RBFOX1: variants seen among roughly 807,000 people sequenced by gnomAD.
RBFOX1 encodes RNA binding fox-1 homolog 1.
RBFOX1 carries 8 observed loss-of-function variants against 57.7 expected under a neutral mutation model. That is an observed-to-expected ratio of 0.14 (90% CI 0.08 to 0.25). The LOEUF (loss-of-function observed/expected upper bound fraction) is 0.25, where lower values mean the gene tolerates loss of function less well. Among genes scored for constraint, RBFOX1 ranks in the 10% least tolerant of loss-of-function variants. RBFOX1 has a pLI of 1.00. For synonymous variants in RBFOX1, 326 were observed against 222.4 expected (o/e 1.47, Z -4.15); for missense variants, 611 against 548.5 (o/e 1.11, Z -1.14).
intron 4 of RBFOX1, among the ~76,000 whole-genome samples, chr16:5,979,993 T>G (rs181616594): frequency 2.0e-4 from 31 of 152,310 alleles, no homozygotes; most frequent in Admixed American, 7.2e-4. Context: ...TCCAGACTCT[T>G]GCCTGCAGAA....
At chr16:7,353,248 G>A (rs528462899) in intron 4 of RBFOX1, among the ~76,000 whole-genome samples, 68 of 152,100 alleles carry the variant, frequency 4.5e-4, no homozygotes, top group African/African-American at 1.6e-3. Context: ...TAAATAAATG[G>A]TACCTATTAC....
At chr16:7,659,791 T>C (rs183258855) in intron 12 of RBFOX1, among the ~76,000 whole-genome samples, 3 of 152,190 alleles carry the variant, frequency 2.0e-5, no homozygotes, top group African/African-American at 7.2e-5. Flanking sequence ...CTGAATAGCA[T>C]GAACTTATAG....
chr16:7,697,452 A>G (rs780240220), intron 14 of RBFOX1, among the ~76,000 whole-genome samples: 1 of 152,162 alleles, frequency 6.6e-6, no homozygotes, highest in Non-Finnish European at 1.5e-5. Context: ...TGAACTCTCC[A>G]AGGTGTAATA....
chr16:7,058,691 T>A lies in RBFOX1; in HGVS notation c.27+6593T>A, dbSNP rs553655538. 2.0e-5 allele frequency among the ~76,000 whole-genome samples: 3 copies of A among 152,306 alleles called. No homozygotes were observed. The South Asian group carries it at 6.2e-4, about 32-fold the overall frequency. The stretch of plus-strand genomic sequence containing the variant: ...AGAAAAGTGTCTGGAATAAAAAAGG[T>A]TCTTAATTATTGTTGGATATTAATG... On this transcript the variant is annotated intron_variant, in intron 4 of 15. Coordinates refer to ENST00000550418, the MANE Select transcript of RBFOX1 (RefSeq NM_018723.4).
At chr16:6,026,538 G>A (rs1421642831) in intron 1 of RBFOX1, among the ~76,000 whole-genome samples, 2 of 152,254 alleles carry the variant, frequency 1.3e-5, no homozygotes, top group South Asian at 2.1e-4. Flanking sequence ...CAAGATACAA[G>A]GGAGGGTGGG....
At chr16:6,902,548 C>G (rs1596645807) in intron 3 of RBFOX1, among the ~76,000 whole-genome samples, 1 of 152,052 alleles carries the variant, frequency 6.6e-6, no homozygotes, top group Non-Finnish European at 1.5e-5. Context: ...ATGGTAATGC[C>G]CTGTCACTAC....
At chr16:6,490,250 A>G (rs2095601514) in intron 2 of RBFOX1, among the ~76,000 whole-genome samples, 1 of 152,182 alleles carries the variant, frequency 6.6e-6, no homozygotes, top group African/African-American at 2.4e-5. Flanking sequence ...TTTAGAAGGG[A>G]AAAAAAGATC....
intron 4 of RBFOX1, among the ~76,000 whole-genome samples, chr16:5,875,156 C>G (rs1003847872): frequency 2.0e-5 from 3 of 152,176 alleles, no homozygotes; most frequent in African/African-American, 4.8e-5. Flanking sequence ...TTGCAGCCAT[C>G]ATTTACCACA....
chr16:7,429,315 C>T (rs1405386186), intron 4 of RBFOX1, among the ~76,000 whole-genome samples: 1 of 152,222 alleles, frequency 6.6e-6, no homozygotes, highest in Non-Finnish European at 1.5e-5. Flanking sequence ...AAGGACTTGG[C>T]ACAAGCCATC....
chr16:5,947,619 T>G lies in RBFOX1; in HGVS notation c.351+80284T>G, dbSNP rs937794960. On this transcript the variant is annotated intron_variant, in intron 4 of 19. Transcript: ENST00000641259. The surrounding 1 kb of genome is among the most constrained non-coding windows in gnomAD (Gnocchi z 7.2). ...ATTACATGCATGATCCACCATGTCT[T>G]GACCCTTCGATTTTAGGTATTTTTA... 5.3e-5 allele frequency among the ~76,000 whole-genome samples: 8 copies of G among 152,182 alleles called. No individual in the cohort carries two copies. Among genetic ancestry groups the G allele is most frequent in the Non-Finnish European group, 8.8e-5 (6 of 68,034 alleles).
At chr16:7,631,209 C>T (rs2060898405) in intron 11 of RBFOX1, among the ~76,000 whole-genome samples, 1 of 151,988 alleles carries the variant, frequency 6.6e-6, no homozygotes, top group Admixed American at 6.6e-5. Context: ...AAATGTGGTT[C>T]CCCCCTCATT....
intron 4 of RBFOX1, among the ~76,000 whole-genome samples, chr16:7,392,716 G>A (rs1053651737): frequency 8.5e-5 from 13 of 152,160 alleles, no homozygotes; most frequent in African/African-American, 2.7e-4. Context: ...TTAAGAAACT[G>A]AAAACTTCAG....
At chr16:7,179,969 C>G (rs1012269460) in intron 4 of RBFOX1, among the ~76,000 whole-genome samples, 4 of 151,856 alleles carry the variant, frequency 2.6e-5, no homozygotes, top group Non-Finnish European at 1.5e-5. Flanking sequence ...TCTAGAACTC[C>G]TGACCTCAAG....
At chr16:5,769,647 C>G (rs2053910628) in intron 3 of RBFOX1, among the ~76,000 whole-genome samples, 1 of 151,824 alleles carries the variant, frequency 6.6e-6, no homozygotes, top group African/African-American at 2.4e-5. Context: ...AGTGAGACTC[C>G]CTCTCAAAAA....
intron 1 of RBFOX1, among the ~76,000 whole-genome samples, chr16:6,057,764 T>A (rs1484752797): frequency 1.3e-5 from 2 of 151,848 alleles, no homozygotes; most frequent in East Asian, 3.9e-4. Flanking sequence ...TCTTGCAATT[T>A]TCTCATTTTG....
At chr16:5,884,064 G>A (rs529957358) in intron 4 of RBFOX1, among the ~76,000 whole-genome samples, 1 of 152,188 alleles carries the variant, frequency 6.6e-6, no homozygotes, top group African/African-American at 2.4e-5. Context: ...TCATCTGAAA[G>A]ATGGGGATAA....
downstream of RBFOX1, among the ~76,000 whole-genome samples, chr16:5,604,066 C>T (rs2047470826): frequency 6.6e-6 from 1 of 152,198 alleles, no homozygotes; most frequent in Non-Finnish European, 1.5e-5. Flanking sequence ...TCAATGGTGT[C>T]ACTCTCCCCT....
intron 3 of RBFOX1, among the ~76,000 whole-genome samples, chr16:5,780,281 C>G (rs535022222): frequency 6.6e-6 from 1 of 152,184 alleles, no homozygotes; most frequent in East Asian, 1.9e-4. Flanking sequence ...GGATTACAGG[C>G]GTGTGCCATT....
chr16:7,692,118 A>G (rs191181913), intron 14 of RBFOX1, among the ~76,000 whole-genome samples: 6 of 152,266 alleles, frequency 3.9e-5, no homozygotes, highest in Middle Eastern at 3.4e-3. Context: ...TGCGGCTCAA[A>G]AAGTCTGTGT....
Sources: gnomAD v4.1 joint callset for allele counts (sites outside exome capture counted in the v4.1 genomes callset) on GRCh38, gnomAD v4.1.1 for gene constraint, Gnocchi (gnomAD v3.1) non-coding constraint, MANE v1.5 for transcripts, NCBI Gene and HGNC (gene_info 2026-07-23, HGNC 2026-07-21) for gene names.